SKA3: variants seen among roughly 807,000 people sequenced by gnomAD.
SKA3 encodes spindle and kinetochore-associated protein 3.
Under a neutral mutation model 44.2 loss-of-function variants are expected in SKA3, and 39 were observed. The observed-to-expected ratio is 0.88, with a 90% confidence interval of 0.68 to 1.15. SKA3 has a LOEUF of 1.15. SKA3 is among the 50% of genes most tolerant of loss of function. SKA3 has a pLI of 0.00. For synonymous variants in SKA3, 192 were observed against 172.0 expected (o/e 1.12, Z -0.91); for missense variants, 511 against 485.8 (o/e 1.05, Z -0.49).
In SKA3 at chr13:21,159,987, T is replaced by TCACTTTTTTCCAACTG; in HGVS notation, c.830-1_830insCAGTTGGAAAAAAGTG (p.Asp277AlafsTer6). Reference sequence around the variant, plus strand: ...CAAAGGAGAGTTGGTATATTCGGCATCTAAAAGACACATAAAATGGTCATT... The same window carrying TCACTTTTTTCCAACTG: ...CAAAGGAGAGTTGGTATATTCGGCATCACTTTTTTCCAACTGCTAAAAGACACATAAAATGGTCATT... On this transcript the variant is annotated stop_gained and frameshift_variant and splice_region_variant. Transcript: ENST00000314759. LOFTEE classifies it high-confidence loss of function. 1 of 1,595,080 alleles carries TCACTTTTTTCCAACTG rather than the reference T, an allele frequency of 6.3e-7. No individual in the cohort carries two copies. The highest frequency in any genetic ancestry group is 8.5e-7 in the Non-Finnish European group (1 of 1,173,092).
At chr13:21,161,109 C>A (rs1033089957) in intron 5 of SKA3, among the ~76,000 whole-genome samples, 3 of 151,984 alleles carry the variant, frequency 2.0e-5, no homozygotes, top group Non-Finnish European at 4.4e-5. Context: ...ATGGCGAAAC[C>A]CCATCTATAC....
At chr13:21,172,168 G>T in intron 3 of SKA3, 171 bp downstream of exon 3, 1 of 444,052 alleles carries the variant, frequency 2.3e-6, no homozygotes, top group Non-Finnish European at 4.0e-6. Flanking sequence ...CCCCTGATTA[G>T]CACTCCAAAA....
chr13:21,157,555 A>G (rs934131206), intron 7 of SKA3, among the ~76,000 whole-genome samples: 1 of 152,240 alleles, frequency 6.6e-6, no homozygotes, highest in Non-Finnish European at 1.5e-5. Context: ...AATGTTATGC[A>G]GCACATGACT....
intron 7 of SKA3, 124 bp downstream of exon 7, chr13:21,157,798 C>A: frequency 1.5e-6 from 1 of 650,726 alleles, no homozygotes; most frequent in Non-Finnish European, 2.5e-6. Context: ...ATTCTCTCAT[C>A]ACCAAAATTA....
intron 4 of SKA3, among the ~76,000 whole-genome samples, chr13:21,165,303 CA>C (rs1422229319): frequency 6.6e-6 from 1 of 151,520 alleles, no homozygotes; most frequent in Non-Finnish European, 1.5e-5. Flanking sequence ...CCTGTAGTCC[CA>C]CCTACTCCTT....
chr13:21,155,813 T>TG lies in SKA3; in HGVS notation c.1120-3_1120-2insC. On this transcript the variant is annotated splice_polypyrimidine_tract_variant and splice_region_variant and intron_variant, in intron 7 of 8. Transcript: ENST00000314759. ...GTTTGAGTTGTATTTTGATAAAAGC[T>TG]AAAAAAAAAAAAGGAAATTCCTTTT... The TG allele has an allele frequency of 8.9e-7, 1 of 1,123,166 alleles. No homozygotes were observed. The highest frequency in any genetic ancestry group is 1.3e-6 in the Non-Finnish European group (1 of 773,316). The allele number at this position is 1,123,166 out of a possible 1,614,324, so 69.6% of individuals were successfully genotyped here.
chr13:21,163,888 C>T (rs899082249), intron 4 of SKA3, among the ~76,000 whole-genome samples: 18 of 152,090 alleles, frequency 1.2e-4, no homozygotes, highest in African/African-American at 4.3e-4. Context: ...ATGAGCCTAA[C>T]GAGTAGCTGG....
rs533806833 is a variant in SKA3 at position 21,175,641 on chromosome 13, G to A, written c.103+734C>T. Among the ~76,000 whole-genome samples, 9 of 151,986 alleles carry A rather than the reference G, an allele frequency of 5.9e-5. No homozygotes were observed. In the South Asian group the frequency reaches 1.5e-3, roughly 25 times the overall value. On this transcript the variant is annotated intron_variant, in intron 1 of 8. Transcript: ENST00000314759. Reference sequence around the variant, plus strand: ...TAATTAAAGTAAAAGTAGTCTGCAGGGTGTAATATTTTAAAGCACATTACA... The same window carrying A: ...TAATTAAAGTAAAAGTAGTCTGCAGAGTGTAATATTTTAAAGCACATTACA...
chr13:21,168,460 AAAC>A, intron 3 of SKA3, 61 bp from the exon 4 acceptor site: 1 of 1,204,740 alleles, frequency 8.3e-7, no homozygotes, highest in East Asian at 3.5e-5. Flanking sequence ...ACGTTTACAA[AAAC>A]AACAGAAAAC....
chr13:21,161,419 A>G (rs1490868038), intron 5 of SKA3, among the ~76,000 whole-genome samples: 2 of 152,198 alleles, frequency 1.3e-5, no homozygotes, highest in Admixed American at 6.5e-5. Context: ...AAAGAAACCA[A>G]AATTTAAATT....
chr13:21,157,985 A>T lies in SKA3; in HGVS notation c.1056T>A (p.Tyr352Ter). ...GTGTAGGTGTTCTGAGCAGATTCTC[A>T]TAAGAAGAAATCGTAGGTGAAGAGG... ...TDPSSPTISS[Y>*]ENLLRTPTPP... Residue 352 changes from tyrosine (Y) to a stop codon, truncating the protein, a stop_gained, in exon 7 of 9, where the codon TAT becomes TAA. Transcript: ENST00000314759. LOFTEE classifies it high-confidence loss of function. 6.2e-7 allele frequency: 1 copy of T among 1,613,378 alleles called. No individual in the cohort carries two copies. The highest frequency in any genetic ancestry group is 8.5e-7 in the Non-Finnish European group (1 of 1,179,526).
At chr13:21,163,683 A>G (rs780860701) in intron 4 of SKA3, among the ~76,000 whole-genome samples, 34 of 152,174 alleles carry the variant, frequency 2.2e-4, no homozygotes, top group Non-Finnish European at 4.3e-4. Context: ...GAAAAATGAC[A>G]TCTCATTTTT....
At position 21,176,466 on chromosome 13, in the gene SKA3, G is replaced by C; in HGVS notation, c.12C>G (p.Ile4Met). Residue 4 changes from isoleucine to methionine, a missense_variant, in exon 1 of 9, where the codon ATC (isoleucine) becomes ATG (methionine). Coordinates refer to ENST00000314759, the MANE Select transcript of SKA3 (RefSeq NM_145061.6). Reference protein sequence around the residue: MDPIRSFCGKLRSL... With the variant: MDPMRSFCGKLRSL... ...ACCGCAGCTTCCCGCAGAAGCTCCGGATAGGGTCCATGCTGAGCACAGCGG... is the reference window on the plus strand; with the variant it reads ...ACCGCAGCTTCCCGCAGAAGCTCCGCATAGGGTCCATGCTGAGCACAGCGG... 1 of 1,570,082 alleles carries C rather than the reference G, an allele frequency of 6.4e-7. No homozygotes were observed. The highest frequency in any genetic ancestry group is 8.6e-7 in the Non-Finnish European group (1 of 1,158,212).
At chr13:21,173,564 C>T (rs1009803968) in intron 1 of SKA3, among the ~76,000 whole-genome samples, 1 of 152,134 alleles carries the variant, frequency 6.6e-6, no homozygotes, top group African/African-American at 2.4e-5. Flanking sequence ...GCCACCTTAC[C>T]CTGATTTCTA....
chr13:21,168,090 T>C lies in SKA3; in HGVS notation c.641A>G (p.Glu214Gly). Residue 214 changes from glutamate (E) to glycine (G), a missense_variant, in exon 4 of 9, where the codon GAG (glutamate) becomes GGG (glycine). Transcript: ENST00000314759. ...GTGTTCTAATTTAGGAGTTACACAC[T>C]CAAAATCATCCATTTTTAGTGCACA... ...PKCALKMDDF[E>G]CVTPKLEHFG... 2 of 1,614,230 alleles carry C rather than the reference T, an allele frequency of 1.2e-6. No individual in the cohort carries two copies. Among genetic ancestry groups the C allele is most frequent in the Non-Finnish European group, 1.7e-6 (2 of 1,180,034 alleles).
intron 4 of SKA3, among the ~76,000 whole-genome samples, chr13:21,167,128 G>T (rs1430155741): frequency 6.6e-6 from 1 of 152,096 alleles, no homozygotes; most frequent in Non-Finnish European, 1.5e-5. Context: ...TAAGCATGAA[G>T]AGGCACTAAC....
chr13:21,174,985 G>C (rs9580015), intron 1 of SKA3, among the ~76,000 whole-genome samples: 11,015 of 152,228 alleles, frequency 0.072, 563 homozygotes, highest in Non-Finnish European at 0.11. Flanking sequence ...TCTGAAGATA[G>C]TTTTTTCTTT....
rs141466726 is a variant in SKA3 at position 21,173,881 on chromosome 13, G to A, written c.104-1200C>T. Among the ~76,000 whole-genome samples the A allele has an allele frequency of 2.0e-4, 30 of 152,224 alleles. No individual in the cohort carries two copies. The East Asian group carries it at 5.2e-3, about 26-fold the overall frequency. On this transcript the variant is annotated intron_variant, in intron 1 of 8. Coordinates refer to ENST00000314759, the MANE Select transcript of SKA3 (RefSeq NM_145061.6). ...GTTAAGAGACTCAGAAAAAGTGCTG[G>A]ATTATATGTTATGCATATGCTCAAC...
chr13:21,176,292 C>G lies in SKA3; in HGVS notation c.103+83G>C, dbSNP rs537927249. The G allele has an allele frequency of 6.7e-4, 804 of 1,206,886 alleles. 4 individuals are homozygous for G. The African/African-American group carries it at 0.01, about 16-fold the overall frequency. 74.8% of individuals were successfully genotyped at this position (1,206,886 alleles called of 1,614,324 possible). On this transcript the variant is annotated intron_variant, in intron 1 of 8. Transcript: ENST00000314759. ...CACGCCGTCAGTGCCTGGCGGTTCC[C>G]GTGGGACATACCGTCCACTCGCCAC...
Sources: gnomAD v4.1 joint callset for allele counts (sites outside exome capture counted in the v4.1 genomes callset) on GRCh38, gnomAD v4.1.1 for gene constraint, MANE v1.5 for transcripts, NCBI Gene and HGNC (gene_info 2026-07-23, HGNC 2026-07-21) for gene names.